Variants in CCNB3 observed in about 807,000 individuals in gnomAD.
CCNB3 encodes the protein G2/mitotic-specific cyclin-B3.
CCNB3 carries 12 observed loss-of-function variants against 68.0 expected under a neutral mutation model. The observed-to-expected ratio is 0.18, with a 90% CI of 0.11 to 0.29. The LOEUF is 0.29. Among genes scored for constraint, CCNB3 ranks in the 10% least tolerant of loss-of-function variants. CCNB3 has a pLI of 1.00. For missense variants in CCNB3, 904 were observed against 993.1 expected, an observed-to-expected ratio of 0.91 and a Z score of 1.21; for synonymous variants, 354 against 388.9, an observed-to-expected ratio of 0.91 and a Z score of 1.06.
intron 8 of CCNB3, among the ~76,000 whole-genome samples, chrX:50,339,012 T>C (rs1238684018): frequency 2.7e-5 from 3 of 112,683 alleles, no homozygotes; most frequent in African/African-American, 9.7e-5. Context: ...CACTCTTTGA[T>C]ACCAATTTTC....
chrX:50,286,709 A>T, intron 3 of CCNB3, among the ~76,000 whole-genome samples: 1 of 99,616 alleles, frequency 1.0e-5, no homozygotes, highest in East Asian at 3.3e-4. Flanking sequence ...GAGTGCAGTG[A>T]CACGATCTCG....
chrX:50,338,124 G>A (rs922437978), intron 8 of CCNB3, among the ~76,000 whole-genome samples: 8 of 111,923 alleles, frequency 7.1e-5, no homozygotes, highest in South Asian at 3.8e-4. Flanking sequence ...ACCCGGGAGC[G>A]CTCTCAGGAT....
At chrX:50,224,638 A>G (rs1935725255) in intron 1 of CCNB3, among the ~76,000 whole-genome samples, 1 of 111,892 alleles carries the variant, frequency 8.9e-6, no homozygotes, top group Non-Finnish European at 1.9e-5. Context: ...TCCTCTCATG[A>G]CTAAAGACTT....
In CCNB3 at chrX:50,294,931, G is replaced by A; in HGVS notation, c.273G>A (p.Lys91=). Residue 91 remains lysine, a synonymous_variant, in exon 5 of 13, where the codon AAG becomes AAA. Coordinates refer to ENST00000376042, the MANE Select transcript of CCNB3 (RefSeq NM_033031.3). ...ANKEFVKVVS[K]KINRNTHALG... Reference sequence around the variant, plus strand: ...AAGAGTTTGTAAAAGTTGTTTCCAAGAAGATAAACAGGAACACACATGCTC... The same window carrying A: ...AAGAGTTTGTAAAAGTTGTTTCCAAAAAGATAAACAGGAACACACATGCTC... The A allele has an allele frequency of 8.3e-7, 1 of 1,209,888 alleles. No individual in the cohort carries two copies. Among genetic ancestry groups the A allele is most frequent in the East Asian group, 3.0e-5 (1 of 33,819 alleles).
At position 50,226,864 on chromosome X, in the gene CCNB3, A is replaced by AATATATAGTAT. The variant is rs1184643648; in HGVS notation, c.-113+21922_-113+21923insTATATATATAG. 5.1e-3 allele frequency among the ~76,000 whole-genome samples: 370 copies of AATATATAGTAT among 72,178 alleles called. 16 individuals carry two copies. Among genetic ancestry groups the AATATATAGTAT allele is most frequent in the African/African-American group, 0.024 (356 of 14,851 alleles). The allele number at this position is 72,178 out of a possible 115,157, so 62.7% of individuals were successfully genotyped here. ...TAGTATATATATAGAATATATATAG[A>AATATATAGTAT]ATATATAGAATATATATAGAATATA... On this transcript the variant is annotated intron_variant, in intron 1 of 12. Coordinates refer to ENST00000376042, the MANE Select transcript of CCNB3 (RefSeq NM_033031.3).
At chrX:50,297,231 T>A (rs1285448949) in intron 5 of CCNB3, among the ~76,000 whole-genome samples, 3 of 111,917 alleles carry the variant, frequency 2.7e-5, no homozygotes, top group Non-Finnish European at 5.6e-5. Context: ...TGGTATTGCC[T>A]AGGTTTTCTT....
intron 1 of CCNB3, among the ~76,000 whole-genome samples, chrX:50,225,798 C>A (rs1232904992): frequency 1.9e-5 from 2 of 107,072 alleles, no homozygotes; most frequent in African/African-American, 6.7e-5. Context: ...CTTGACAATT[C>A]AAAGTTCTAT....
Position 50,313,788 on chromosome X carries a change from T to A in CCNB3, c.3424-68T>A, listed in dbSNP as rs2147067228. The A allele has an allele frequency of 3.7e-6, 3 of 800,631 alleles. No individual in the cohort carries two copies. The East Asian group carries it at 9.6e-5, about 26-fold the overall frequency. 66.0% of individuals were successfully genotyped at this position (800,631 alleles called of 1,213,427 possible). On this transcript the variant is annotated intron_variant, in intron 7 of 12. Transcript: ENST00000376042. ...GTTAGAACTATGAGGGAGAAGTTAA[T>A]TGTTAAGTTACAATGTTGAACTATA...
intron 1 of CCNB3, among the ~76,000 whole-genome samples, chrX:50,227,987 T>A (rs1935940398): frequency 3.2e-5 from 2 of 62,308 alleles, no homozygotes; most frequent in Non-Finnish European, 5.7e-5. Flanking sequence ...AGAATATATA[T>A]AAATATATAT....
chrX:50,289,086 T>C (rs868930487), intron 4 of CCNB3, among the ~76,000 whole-genome samples, 199 bp downstream of exon 4: 1 of 111,929 alleles, frequency 8.9e-6, no homozygotes, highest in African/African-American at 3.2e-5. Flanking sequence ...TGGAGTTCTC[T>C]GGAAGCAGCA....
At chrX:50,288,688 C>A in intron 3 of CCNB3, 92 bp from the exon 4 acceptor site, 1 of 545,697 alleles carries the variant, frequency 1.8e-6, no homozygotes, top group Admixed American at 3.1e-5. Flanking sequence ...CTCTGAGGTT[C>A]TGGAGTTCCC....
intron 5 of CCNB3, among the ~76,000 whole-genome samples, chrX:50,299,737 A>G (rs1387001500): frequency 9.0e-6 from 1 of 110,789 alleles, no homozygotes; most frequent in Non-Finnish European, 1.9e-5. Flanking sequence ...GTGGGGTGTT[A>G]AAGTCTCCCA....
Position 50,206,789 on chromosome X carries a change from G to A in CCNB3, c.-113+1839G>A, listed in dbSNP as rs78536133. On this transcript the variant is annotated intron_variant, in intron 1 of 12. Transcript: ENST00000376042. The stretch of plus-strand genomic sequence containing the variant: ...AAAAATTAGCTGGGTGTGGTGGCGC[G>A]TGCCTGTAGTCCCAGTTACTCCGGA... Among the ~76,000 whole-genome samples, 433 of 103,785 alleles carry A rather than the reference G, an allele frequency of 4.2e-3. 3 individuals are homozygous for A. The highest frequency in any genetic ancestry group is 0.015 in the African/African-American group (417 of 28,088). The allele number at this position is 103,785 out of a possible 115,157, so 90.1% of individuals were successfully genotyped here. A position where few individuals can be genotyped will look rare whatever the true frequency, so the allele number is the denominator to read the frequency against.
At chrX:50,312,345 C>T (rs1274718056) in intron 6 of CCNB3, among the ~76,000 whole-genome samples, 192 bp from the exon 7 acceptor site, 1 of 111,407 alleles carries the variant, frequency 9.0e-6, no homozygotes. Context: ...GAAGTCTAGG[C>T]ATTTCTTGAT....
Position 50,351,668 on chromosome X carries a change from A to C in CCNB3, c.4153A>C (p.Asn1385His), listed in dbSNP as rs1557221212. ...TATGTTGAAGCTGGAGGAGATTTTG[A>C]ACTGTGATTGTGAGGCTCAGGGCCT... is the stretch of plus-strand genomic sequence containing the variant. ...LDMLKLEEIL[N>H]CDCEAQGLVL The change falls in exon 13 of 13, where the codon AAC becomes CAC. Residue 1385 changes from asparagine to histidine, a missense_variant. Physicochemically the swap from Asn to His is moderately conservative, Grantham distance 68. Transcript: ENST00000376042. 8.3e-7 allele frequency: 1 copy of C among 1,211,544 alleles called. No individual in the cohort carries two copies. The highest frequency in any genetic ancestry group is 1.1e-6 in the Non-Finnish European group (1 of 895,385).
At chrX:50,325,303 A>C (rs1922236980) in intron 8 of CCNB3, among the ~76,000 whole-genome samples, 1 of 111,676 alleles carries the variant, frequency 9.0e-6, no homozygotes, top group South Asian at 3.7e-4. Flanking sequence ...AATTTTGAGG[A>C]AAGAGACTTT....
chrX:50,317,683 C>T (rs1378954062), intron 8 of CCNB3, among the ~76,000 whole-genome samples: 2 of 110,174 alleles, frequency 1.8e-5, no homozygotes, highest in African/African-American at 6.6e-5. Context: ...AATTCTCCTG[C>T]CTCAGCCTTC....
chrX:50,228,240 A>C (rs1428661191), intron 1 of CCNB3, among the ~76,000 whole-genome samples: 1 of 83,895 alleles, frequency 1.2e-5, no homozygotes, highest in Non-Finnish European at 2.1e-5. Context: ...ACATACATAG[A>C]ATATATATAA....
chrX:50,324,876 T>A (rs1160159174), intron 8 of CCNB3, among the ~76,000 whole-genome samples: 4 of 111,991 alleles, frequency 3.6e-5, no homozygotes, highest in African/African-American at 1.3e-4. Flanking sequence ...CTGTTTTTTG[T>A]TGTTTTTTTA....
Sources: gnomAD v4.1 joint callset for allele counts (sites outside exome capture counted in the v4.1 genomes callset) on GRCh38, gnomAD v4.1.1 for gene constraint, MANE v1.5 for transcripts, NCBI Gene and HGNC (gene_info 2026-07-23, HGNC 2026-07-21) for gene names.